The following PXK variants were observed in gnomAD, a reference collection of about 807,000 sequenced individuals.
PXK encodes the protein PX domain containing serine/threonine kinase like.
PXK carries 35 observed loss-of-function variants against 84.7 expected under a neutral mutation model. The ratio of observed to expected loss-of-function variants is 0.41; its 90% confidence interval spans 0.32 to 0.55. The LOEUF is 0.55. PXK is among the 20% of genes least tolerant of loss of function. PXK has a pLI of 0.21. For missense variants in PXK, 634 were observed against 699.7 expected (o/e 0.91, Z 1.06); for synonymous variants, 253 against 260.8 (o/e 0.97, Z 0.29).
At chr3:58,408,839 C>T in intron 13 of PXK, 85 bp from the exon 14 acceptor site, 1 of 1,072,038 alleles carries the variant, frequency 9.3e-7, no homozygotes, top group Non-Finnish European at 1.4e-6. Flanking sequence ...CTCTTGATAA[C>T]CACCTGCTCC....
In PXK at chr3:58,421,872, C is replaced by T. The variant is rs916542610; in HGVS notation, c.1529-2880C>T. 3 of 985,224 alleles carry T rather than the reference C, an allele frequency of 3.0e-6. No homozygotes were observed. In the African/African-American group the frequency reaches 5.2e-5, roughly 17 times the overall value. The allele number at this position is 985,224 out of a possible 1,614,324, so 61.0% of individuals were successfully genotyped here. On this transcript the variant is annotated intron_variant, in intron 17 of 17. Coordinates refer to ENST00000356151, the MANE Select transcript of PXK (RefSeq NM_017771.5). This position sits in a 1 kb window ranked among gnomAD's most constrained non-coding sequence, Gnocchi z 5.5. ...CTGAAGGTAAGCTGTTTGCAGCATC[C>T]CCCTTCCTGGGTGCAAATTCAGGTA...
chr3:58,366,170 G>A (rs549996579), intron 2 of PXK, among the ~76,000 whole-genome samples: 2 of 152,208 alleles, frequency 1.3e-5, no homozygotes, highest in South Asian at 4.1e-4. Context: ...TTGTTCCCCA[G>A]CTCAACCCAG....
intron 4 of PXK, among the ~76,000 whole-genome samples, chr3:58,388,324 A>G (rs1290365331): frequency 1.3e-5 from 2 of 152,222 alleles, no homozygotes; most frequent in African/African-American, 4.8e-5. Context: ...ACATAGTAGC[A>G]TACAGTAGAT....
chr3:58,358,075 C>A (rs1443316442), intron 1 of PXK, among the ~76,000 whole-genome samples: 1 of 152,334 alleles, frequency 6.6e-6, no homozygotes, highest in African/African-American at 2.4e-5. Flanking sequence ...CAGTGCATAA[C>A]TATATATACT....
intron 12 of PXK, among the ~76,000 whole-genome samples, chr3:58,403,071 G>A (rs1028392724): frequency 6.7e-6 from 1 of 149,860 alleles, no homozygotes; most frequent in African/African-American, 2.5e-5. Flanking sequence ...GTGGTGCAAT[G>A]TCGGTTCACT....
intron 12 of PXK, among the ~76,000 whole-genome samples, chr3:58,403,623 C>G (rs573298665): frequency 9.1e-4 from 138 of 152,328 alleles, no homozygotes; most frequent in Non-Finnish European, 1.6e-3. Context: ...GAAACCCCCT[C>G]TAGTACACAG....
At chr3:58,356,474 A>G (rs892020625) in intron 1 of PXK, among the ~76,000 whole-genome samples, 3 of 151,112 alleles carry the variant, frequency 2.0e-5, no homozygotes, top group Admixed American at 6.6e-5. Context: ...GGAGGATCCC[A>G]GGCTGCTGAC....
In PXK at chr3:58,338,690, CT is replaced by C. The variant is rs869295407; in HGVS notation, c.102+5614del. 5.2e-3 allele frequency among the ~76,000 whole-genome samples: 726 copies of C among 140,102 alleles called. 1 individual carries two copies. Among genetic ancestry groups the C allele is most frequent in the East Asian group, 0.012 (56 of 4,708 alleles). The allele number at this position is 140,102 out of a possible 152,430, so 91.9% of individuals were successfully genotyped here. ...AGGTAACTTGCAGCACTTCCTTTTT[CT>C]TTTTTTTTTTTTTAGCTGGAGTCTT... On this transcript the variant is annotated intron_variant, in intron 1 of 17. Transcript: ENST00000356151.
chr3:58,398,159 G>A lies in PXK; in HGVS notation c.1102+437G>A, dbSNP rs1046659865. Among the ~76,000 whole-genome samples the A allele has an allele frequency of 6.6e-6, 1 of 152,200 alleles. No individual in the cohort carries two copies. Among genetic ancestry groups the A allele is most frequent in the African/African-American group, 2.4e-5 (1 of 41,444 alleles). On this transcript the variant is annotated intron_variant, in intron 11 of 17. Transcript: ENST00000356151. This position sits in a 1 kb window ranked among gnomAD's most constrained non-coding sequence, Gnocchi z 4.5. ...CTCACACCTGTAATCCCAGCACTTT[G>A]GAAGGCCGAGGTGGGTGGATCACAT...
rs748373089 is a variant in PXK at position 58,412,129 on chromosome 3, A to G, written c.1466-772A>G. ...AGGGAGATTTGGTTAACCTCTCCATAGGATCTCTATGTGTGGGAGGGGGGT... is the reference window on the plus strand; with the variant it reads ...AGGGAGATTTGGTTAACCTCTCCATGGGATCTCTATGTGTGGGAGGGGGGT... On this transcript the variant is annotated intron_variant, in intron 16 of 17. Transcript: ENST00000356151. The surrounding 1 kb of genome is among the most constrained non-coding windows in gnomAD (Gnocchi z 6.2). Among the ~76,000 whole-genome samples the G allele has an allele frequency of 2.0e-5, 3 of 152,104 alleles. No individual in the cohort carries two copies. Among genetic ancestry groups the G allele is most frequent in the Admixed American group, 6.6e-5 (1 of 15,258 alleles).
intron 13 of PXK, among the ~76,000 whole-genome samples, chr3:58,406,962 TTGA>T (rs2059504649): frequency 6.6e-6 from 1 of 152,262 alleles, no homozygotes; most frequent in Non-Finnish European, 1.5e-5. Context: ...CATTCATCTG[TTGA>T]TGAACATTTA....
In PXK at chr3:58,364,723, AT is replaced by A. The variant is rs1411475406; in HGVS notation, c.103-1150del. Among the ~76,000 whole-genome samples the A allele has an allele frequency of 1.3e-5, 2 of 152,056 alleles. No individual in the cohort carries two copies. The highest frequency in any genetic ancestry group is 4.8e-5 in the African/African-American group (2 of 41,424). Reference sequence around the variant, plus strand: ...TGAGACTCGGTCTCAAAAAAAAAAAATCATTATGAAGATCAAATTATGTATT... The same window carrying A: ...TGAGACTCGGTCTCAAAAAAAAAAAACATTATGAAGATCAAATTATGTATT... On this transcript the variant is annotated intron_variant, in intron 1 of 17. Transcript: ENST00000356151. The surrounding 1 kb of genome is among the most constrained non-coding windows in gnomAD (Gnocchi z 4.3).
intron 1 of PXK, among the ~76,000 whole-genome samples, chr3:58,353,981 G>C (rs2098005047): frequency 2.0e-5 from 3 of 152,174 alleles, no homozygotes; most frequent in African/African-American, 7.2e-5. Context: ...CAGGTCACTT[G>C]TTTTCAGCAT....
intron 3 of PXK, among the ~76,000 whole-genome samples, chr3:58,372,632 G>C (rs7621323): frequency 0.99 from 148,783 of 150,372 alleles, 73,610 homozygotes; most frequent in Middle Eastern, 1. Flanking sequence ...ATTTTCTAAA[G>C]TTTTTTTTTT....
intron 1 of PXK, among the ~76,000 whole-genome samples, chr3:58,349,357 C>G (rs1189972224): frequency 7.4e-6 from 1 of 134,926 alleles, no homozygotes; most frequent in Non-Finnish European, 1.6e-5. Context: ...TCATAAATAT[C>G]TTTTTTTTTT....
Position 58,397,539 on chromosome 3 carries a change from G to A in PXK, c.985-66G>A. ...CTTTGTTTCTCAGAGAAGCCTTGGG[G>A]CAGGAGCGCGAGGGTCCACAAAGCC... On this transcript the variant is annotated intron_variant, in intron 10 of 17. Coordinates refer to ENST00000356151, the MANE Select transcript of PXK (RefSeq NM_017771.5). The surrounding 1 kb of genome is among the most constrained non-coding windows in gnomAD (Gnocchi z 4.7). 7.6e-7 allele frequency: 1 copy of A among 1,323,928 alleles called. No homozygotes were observed. Among genetic ancestry groups the A allele is most frequent in the Non-Finnish European group, 1.1e-6 (1 of 917,250 alleles). 82.0% of individuals were successfully genotyped at this position (1,323,928 alleles called of 1,614,324 possible).
chr3:58,370,821 A>G lies in PXK; in HGVS notation c.201+1343A>G, dbSNP rs2098357701. ...CAAGACCAGCCTGGCTAACATGGCG[A>G]AACCCTGTCTCTACTAAAAATACAA... On this transcript the variant is annotated intron_variant, in intron 3 of 17. Coordinates refer to ENST00000356151, the MANE Select transcript of PXK (RefSeq NM_017771.5). The surrounding 1 kb of genome is among the most constrained non-coding windows in gnomAD (Gnocchi z 4.2). Among the ~76,000 whole-genome samples the G allele has an allele frequency of 6.6e-6, 1 of 152,146 alleles. No individual in the cohort carries two copies. The highest frequency in any genetic ancestry group is 2.4e-5 in the African/African-American group (1 of 41,422).
Position 58,400,652 on chromosome 3 carries a change from T to C in PXK, c.1181+1275T>C, listed in dbSNP as rs561530676. ...TGTGGGCCGGGCAGTGGCTCATGCC[T>C]ATAATCCCAGCACTTTGGGAGGCTG... On this transcript the variant is annotated intron_variant, in intron 12 of 17. Coordinates refer to ENST00000356151, the MANE Select transcript of PXK (RefSeq NM_017771.5). The surrounding 1 kb of genome is among the most constrained non-coding windows in gnomAD (Gnocchi z 4.0). Among the ~76,000 whole-genome samples, 73 of 152,316 alleles carry C rather than the reference T, an allele frequency of 4.8e-4. No individual in the cohort carries two copies. Among genetic ancestry groups the C allele is most frequent in the Non-Finnish European group, 9.0e-4 (61 of 68,020 alleles).
At position 58,397,576 on chromosome 3, in the gene PXK, T is replaced by A. The variant is rs1161450715; in HGVS notation, c.985-29T>A. The A allele has an allele frequency of 6.3e-7, 1 of 1,577,744 alleles. No homozygotes were observed. The highest frequency in any genetic ancestry group is 8.7e-7 in the Non-Finnish European group (1 of 1,146,994). On this transcript the variant is annotated intron_variant, in intron 10 of 17. Transcript: ENST00000356151. This position sits in a 1 kb window ranked among gnomAD's most constrained non-coding sequence, Gnocchi z 4.7. Reference sequence around the variant, plus strand: ...GGGTCCACAAAGCCAAAGTGAAGGGTGAACACGCTGCTACTCTTTCTTCCA... The same window carrying A: ...GGGTCCACAAAGCCAAAGTGAAGGGAGAACACGCTGCTACTCTTTCTTCCA...
Sources: allele counts gnomAD v4.1 joint callset (sites outside exome capture counted in the v4.1 genomes callset), GRCh38; gene constraint gnomAD v4.1.1; non-coding constraint Gnocchi (gnomAD v3.1); transcripts MANE v1.5; gene names NCBI Gene and HGNC (gene_info 2026-07-23, HGNC 2026-07-21).